SLC47A1: variants seen among roughly 807,000 people sequenced by gnomAD.
The protein encoded by SLC47A1 is multidrug and toxin extrusion protein 1.
Under a neutral mutation model 65.8 loss-of-function variants are expected in SLC47A1, and 58 were observed. That is an observed-to-expected ratio of 0.88 (90% confidence interval 0.71 to 1.10). The LOEUF is 1.10. Ranked by LOEUF, SLC47A1 falls within the 50% of genes least tolerant of loss-of-function variation. The probability of loss-of-function intolerance (pLI) is 0.00; values close to 1 mark genes in which losing one functional copy is unlikely to be tolerated. For missense variants in SLC47A1, 706 were observed against 719.2 expected (o/e 0.98, Z 0.21); for synonymous variants, 285 against 295.0 (o/e 0.97, Z 0.35).
chr17:19,537,329 G>A (rs1916016276), intron 1 of SLC47A1, among the ~76,000 whole-genome samples: 1 of 152,114 alleles, frequency 6.6e-6, no homozygotes, highest in Non-Finnish European at 1.5e-5. Flanking sequence ...ACACACAAAG[G>A]AAAAAATGCA....
At chr17:19,556,559 A>AAT (rs1555625665) in intron 10 of SLC47A1, among the ~76,000 whole-genome samples, 4 of 141,048 alleles carry the variant, frequency 2.8e-5, no homozygotes, top group Admixed American at 2.2e-4. Context: ...TCTTAAAGGG[A>AAT]TTTTTTTTTT....
At chr17:19,540,287 C>T (rs1383800241) in intron 1 of SLC47A1, among the ~76,000 whole-genome samples, 1 of 152,162 alleles carries the variant, frequency 6.6e-6, no homozygotes, top group Non-Finnish European at 1.5e-5. Flanking sequence ...AAACAGCTCA[C>T]AGGTGGCCCA....
intron 4 of SLC47A1, among the ~76,000 whole-genome samples, chr17:19,548,562 C>T (rs560245446): frequency 4.7e-4 from 69 of 148,332 alleles, no homozygotes; most frequent in African/African-American, 1.6e-3. Flanking sequence ...TGCAGTGGTG[C>T]GATCTTGGCT....
rs977685355 is a variant in SLC47A1, at chr17:19,555,579, A to T, written c.642-14A>T. The stretch of plus-strand genomic sequence containing the variant: ...AGGAAGGTACCTCCCTCTCATTGGG[A>T]CTGTTCTTTCCAGAGGCTCTGCACT... On this transcript the variant is annotated splice_polypyrimidine_tract_variant and intron_variant, in intron 7 of 16. Coordinates refer to ENST00000270570, the MANE Select transcript of SLC47A1 (RefSeq NM_018242.3). 4.3e-6 allele frequency: 7 copies of T among 1,613,108 alleles called. No individual in the cohort carries two copies. The highest frequency in any genetic ancestry group is 5.9e-6 in the Non-Finnish European group (7 of 1,179,218).
intron 16 of SLC47A1, among the ~76,000 whole-genome samples, chr17:19,573,270 G>A (rs1205363595): frequency 6.6e-6 from 1 of 152,158 alleles, no homozygotes. Flanking sequence ...GTGCAAATGT[G>A]GTTATGGTTT....
At chr17:19,572,508 G>C (rs374154750) in intron 15 of SLC47A1, among the ~76,000 whole-genome samples, 3 of 152,072 alleles carry the variant, frequency 2.0e-5, no homozygotes, top group East Asian at 3.9e-4. Context: ...TTTTAATTGA[G>C]ATGGGATCTT....
rs757493749 is a variant in SLC47A1 at position 19,555,622 on chromosome 17, A to G, written c.671A>G (p.Gln224Arg). The change falls in exon 8 of 17, where the codon CAG becomes CGG. Residue 224 changes from glutamine (Q) to arginine (R), a missense_variant. By Grantham distance (43) the Gln-to-Arg change is conservative. Coordinates refer to ENST00000270570, the MANE Select transcript of SLC47A1 (RefSeq NM_018242.3). Reference protein sequence around the residue: ...IGSALANLISQYTLALLLFLY... With the variant: ...IGSALANLISRYTLALLLFLY... ...TCTGCACTGGCAAACTTGATTTCCCAGTACACCCTGGCTCTACTCCTCTTT... is the reference window on the plus strand; with the variant it reads ...TCTGCACTGGCAAACTTGATTTCCCGGTACACCCTGGCTCTACTCCTCTTT... 1 of 1,614,208 alleles carries G rather than the reference A, an allele frequency of 6.2e-7. No individual in the cohort carries two copies. The highest frequency in any genetic ancestry group is 8.5e-7 in the Non-Finnish European group (1 of 1,180,032).
At chr17:19,555,098 C>G (rs1373638285) in intron 6 of SLC47A1, 114 bp from the exon 7 acceptor site, 1 of 897,424 alleles carries the variant, frequency 1.1e-6, no homozygotes, top group East Asian at 2.4e-5. Flanking sequence ...AGCCCCCCAG[C>G]TATGCCTGTG....
intron 14 of SLC47A1, among the ~76,000 whole-genome samples, chr17:19,571,260 G>T (rs780750622): frequency 1.6e-4 from 24 of 152,078 alleles, no homozygotes; most frequent in Non-Finnish European, 3.1e-4. Flanking sequence ...CCCTTTTGGG[G>T]GTGGCCTCAA....
chr17:19,547,975 T>G lies in SLC47A1; in HGVS notation c.307-10T>G. The G allele has an allele frequency of 6.2e-7, 1 of 1,607,872 alleles. No homozygotes were observed. Among genetic ancestry groups the G allele is most frequent in the Non-Finnish European group, 8.5e-7 (1 of 1,175,820 alleles). On this transcript the variant is annotated splice_polypyrimidine_tract_variant and intron_variant, in intron 3 of 16. Transcript: ENST00000270570. ...TGCTAATGGGCTCATTTTGGCTGTG[T>G]GCACCCCAGACGTACGGGAGCCAGA...
chr17:19,557,908 A>G (rs1303760824), intron 10 of SLC47A1: 1 of 196,506 alleles, frequency 5.1e-6, no homozygotes, highest in African/African-American at 2.3e-5. Flanking sequence ...AAAAAAAAAA[A>G]AAAAAAGATT....
chr17:19,568,475 C>T (rs764346363), intron 14 of SLC47A1, among the ~76,000 whole-genome samples: 7 of 152,060 alleles, frequency 4.6e-5, no homozygotes, highest in South Asian at 4.2e-4. Flanking sequence ...ATTATTGCAA[C>T]GTGCAATCAG....
chr17:19,545,441 C>T (rs1328622600), intron 2 of SLC47A1, among the ~76,000 whole-genome samples: 2 of 152,126 alleles, frequency 1.3e-5, no homozygotes, highest in East Asian at 1.9e-4. Context: ...ATCCGCCCAC[C>T]TCGGCCTCCC....
At chr17:19,571,923 G>A (rs1242772308) in intron 15 of SLC47A1, among the ~76,000 whole-genome samples, 1 of 152,182 alleles carries the variant, frequency 6.6e-6, no homozygotes, top group Non-Finnish European at 1.5e-5. Context: ...CAAATGTTTT[G>A]TTAAGATACT....
chr17:19,555,091 C>T (rs918588970), intron 6 of SLC47A1, 121 bp from the exon 7 acceptor site: 4 of 833,992 alleles, frequency 4.8e-6, no homozygotes, highest in African/African-American at 1.7e-5. Context: ...CCAGTTAAGC[C>T]CCCCAGCTAT....
Position 19,571,508 on chromosome 17 carries a change from T to C in SLC47A1, c.1340T>C (p.Val447Ala), listed in dbSNP as rs766509695. ...GLWSGIIICT[V>A]FQAVCFLGFI... ...TGGTCAGGGATCATCATCTGTACAG[T>C]CTTTCAAGCTGTGTGTTTTCTAGGC... is the stretch of plus-strand genomic sequence containing the variant. Residue 447 changes from valine to alanine, a missense_variant, in exon 15 of 17, where the codon GTC becomes GCC. Physicochemically the swap from Val to Ala is moderately conservative, Grantham distance 64 (BLOSUM62 0). Transcript: ENST00000270570. 3.1e-6 allele frequency: 5 copies of C among 1,614,062 alleles called. No individual in the cohort carries two copies. In the Admixed American group the frequency reaches 8.3e-5, roughly 27 times the overall value.
rs1214659492 is a variant in SLC47A1 at position 19,577,993 on chromosome 17, T to G, written c.*440T>G. ...GGTATTTGTTTTTGTTTTAATTTTT[T>G]TTTTAATAGACGGAAGTCTTGCTCT... On this transcript the variant is annotated 3_prime_UTR_variant, in exon 17 of 17. Transcript: ENST00000270570. 4 of 1,280,770 alleles carry G rather than the reference T, an allele frequency of 3.1e-6. No homozygotes were observed. Among genetic ancestry groups the G allele is most frequent in the Non-Finnish European group, 2.0e-6 (2 of 983,082 alleles). 79.3% of individuals were successfully genotyped at this position (1,280,770 alleles called of 1,614,324 possible).
Position 19,577,584 on chromosome 17 carries a change from T to C in SLC47A1, c.*31T>C, listed in dbSNP as rs368504437. On this transcript the variant is annotated 3_prime_UTR_variant, in exon 17 of 17. Transcript: ENST00000270570. ...TAGGAAAGAAAGTCAGGTCAAGTGA[T>C]GCTTTTGAGCTTACACACAATTCAC... The C allele has an allele frequency of 3.1e-6, 5 of 1,612,920 alleles. No homozygotes were observed. In the East Asian group the frequency reaches 1.1e-4, roughly 36 times the overall value.
chr17:19,561,901 T>C (rs2084314507), intron 12 of SLC47A1, among the ~76,000 whole-genome samples: 1 of 152,194 alleles, frequency 6.6e-6, no homozygotes, highest in Non-Finnish European at 1.5e-5. Context: ...CGGTTTGTAG[T>C]AGTTGCATAA....
Sources: gnomAD v4.1 joint callset for allele counts (sites outside exome capture counted in the v4.1 genomes callset) on GRCh38, gnomAD v4.1.1 for gene constraint, MANE v1.5 for transcripts, NCBI Gene and HGNC (gene_info 2026-07-23, HGNC 2026-07-21) for gene names.